Variants in SLC16A7 observed in about 807,000 individuals in gnomAD.
SLC16A7 encodes the protein monocarboxylate transporter 2.
A neutral mutation model predicts 34.9 loss-of-function variants in SLC16A7; 33 were observed. The ratio of observed to expected loss-of-function variants is 0.94; its 90% confidence interval spans 0.72 to 1.26. The LOEUF is 1.26. Among genes scored for constraint, SLC16A7 ranks in the 50% most tolerant of loss-of-function variants. SLC16A7 has a pLI of 0.00. For missense variants in SLC16A7, 573 were observed against 578.1 expected, an observed-to-expected ratio of 0.99 and a Z score of 0.09; for synonymous variants, 201 against 206.6, an observed-to-expected ratio of 0.97 and a Z score of 0.23.
At chr12:59,665,498 A>G (rs1237405290) in intron 2 of SLC16A7, among the ~76,000 whole-genome samples, 2 of 152,016 alleles carry the variant, frequency 1.3e-5, no homozygotes, top group East Asian at 3.8e-4. Context: ...ATTTCATCCA[A>G]AACATTTAGG....
At position 59,704,098 on chromosome 12, in the gene SLC16A7, T is replaced by G. The variant is rs144806398; in HGVS notation, c.-30-674T>G. Among the ~76,000 whole-genome samples the G allele has an allele frequency of 1.4e-3, 209 of 144,980 alleles. 2 individuals are homozygous for G. The highest frequency in any genetic ancestry group is 7.2e-3 in the Middle Eastern group (2 of 278). Reference sequence around the variant, plus strand: ...CTGCCTGTAATCCCAGTTACTAGGGTCTGAGGCAGGAGGATCGCTTGAACC... The same window carrying G: ...CTGCCTGTAATCCCAGTTACTAGGGGCTGAGGCAGGAGGATCGCTTGAACC... On this transcript the variant is annotated intron_variant, in intron 2 of 5. Transcript: ENST00000547379.
chr12:59,779,768 T>G lies in SLC16A7; in HGVS notation c.*89T>G. On this transcript the variant is annotated 3_prime_UTR_variant, in exon 6 of 6. Transcript: ENST00000547379. ...TTTTTTAAAGTATTAGAAAAGGTTT[T>G]AGCTGAAATGAGGAGTCACAATTAA... is the stretch of plus-strand genomic sequence containing the variant. 1.8e-6 allele frequency: 2 copies of G among 1,082,592 alleles called. No homozygotes were observed. Among genetic ancestry groups the G allele is most frequent in the Non-Finnish European group, 2.6e-6 (2 of 761,866 alleles). 67.1% of individuals were successfully genotyped at this position (1,082,592 alleles called of 1,614,324 possible). A position where few individuals can be genotyped will look rare whatever the true frequency, so the allele number is the denominator to read the frequency against.
intron 3 of SLC16A7, chr12:59,734,126 A>C: frequency 4.5e-6 from 1 of 220,112 alleles, no homozygotes; most frequent in Non-Finnish European, 9.4e-6. Context: ...CCAAGGATCC[A>C]CCCCTTTCTG....
chr12:59,696,088 A>G (rs1208854594), intron 2 of SLC16A7, among the ~76,000 whole-genome samples: 1 of 151,946 alleles, frequency 6.6e-6, no homozygotes, highest in African/African-American at 2.4e-5. Context: ...GTAATTATTT[A>G]AGTGACAGAT....
intron 3 of SLC16A7, among the ~76,000 whole-genome samples, chr12:59,764,351 C>G (rs1404982597): frequency 6.6e-6 from 1 of 152,130 alleles, no homozygotes; most frequent in Non-Finnish European, 1.5e-5. Flanking sequence ...TATTATTATA[C>G]TTTAAGTTTT....
intron 2 of SLC16A7, among the ~76,000 whole-genome samples, chr12:59,662,957 G>A (rs1328378401): frequency 6.6e-6 from 1 of 152,050 alleles, no homozygotes; most frequent in Admixed American, 6.6e-5. Context: ...AAGAAAATAT[G>A]TGATTTATAA....
intron 3 of SLC16A7, among the ~76,000 whole-genome samples, chr12:59,729,036 T>G (rs1214205950): frequency 6.6e-6 from 1 of 152,192 alleles, no homozygotes; most frequent in Non-Finnish European, 1.5e-5. Context: ...CAAAATACCT[T>G]TTCACTTCAG....
chr12:59,666,303 G>A lies in SLC16A7; in HGVS notation c.-31+11053G>A, dbSNP rs371946976. ...ATCTAGATAAGGGCTGGCAGTTAAG[G>A]TATAGTTGTTTAGTGATATTTTCCC... On this transcript the variant is annotated intron_variant, in intron 2 of 5. Transcript: ENST00000547379. Among the ~76,000 whole-genome samples, 4 of 152,230 alleles carry A rather than the reference G, an allele frequency of 2.6e-5. No individual in the cohort carries two copies. In the East Asian group the frequency reaches 5.8e-4, roughly 22 times the overall value.
chr12:59,672,573 A>G (rs978635800), intron 2 of SLC16A7, among the ~76,000 whole-genome samples: 1 of 151,728 alleles, frequency 6.6e-6, no homozygotes, highest in South Asian at 2.1e-4. Flanking sequence ...GGCAATGGAG[A>G]TGCTTCTTCT....
chr12:59,742,184 G>A (rs1198459086), intron 3 of SLC16A7, among the ~76,000 whole-genome samples: 3 of 152,114 alleles, frequency 2.0e-5, no homozygotes, highest in African/African-American at 7.2e-5. Context: ...TGCATCTGAG[G>A]CTTTCTTCCC....
chr12:59,650,709 G>A (rs1188180409), intron 1 of SLC16A7, among the ~76,000 whole-genome samples: 1 of 152,090 alleles, frequency 6.6e-6, no homozygotes, highest in Admixed American at 6.6e-5. Context: ...TCCCTGCTGT[G>A]CTCAGGCGTG....
At chr12:59,684,624 G>A (rs569801475) in intron 2 of SLC16A7, among the ~76,000 whole-genome samples, 83 of 152,254 alleles carry the variant, frequency 5.5e-4, no homozygotes, top group African/African-American at 1.7e-3. Flanking sequence ...CCACGCTGCA[G>A]CAAAATCAGA....
At chr12:59,714,225 G>A (rs1286861516) in intron 3 of SLC16A7, among the ~76,000 whole-genome samples, 1 of 152,166 alleles carries the variant, frequency 6.6e-6, no homozygotes, top group Non-Finnish European at 1.5e-5. Context: ...GATGGAGAAA[G>A]TTGTGTTTGA....
chr12:59,687,112 A>G (rs990904905), intron 2 of SLC16A7, among the ~76,000 whole-genome samples: 12 of 152,008 alleles, frequency 7.9e-5, no homozygotes, highest in Non-Finnish European at 1.8e-4. Context: ...AAAAAATGCT[A>G]AAGTCATACT....
At chr12:59,606,691 A>G (rs1158733110) in intron 1 of SLC16A7, among the ~76,000 whole-genome samples, 1 of 152,182 alleles carries the variant, frequency 6.6e-6, no homozygotes, top group Non-Finnish European at 1.5e-5. Flanking sequence ...CATACCTTAA[A>G]TCAATTCAAA....
chr12:59,766,679 G>C (rs527803148), intron 3 of SLC16A7, among the ~76,000 whole-genome samples: 16 of 152,280 alleles, frequency 1.1e-4, no homozygotes, highest in African/African-American at 3.9e-4. Flanking sequence ...CAGGCATGAA[G>C]CCCACTTGAT....
chr12:59,655,869 T>G lies in SLC16A7; in HGVS notation c.-31+619T>G, dbSNP rs750666162. On this transcript the variant is annotated intron_variant, in intron 2 of 5. Coordinates refer to ENST00000547379, the MANE Select transcript of SLC16A7 (RefSeq NM_001270623.2). ...AAAACTGATGCTCAGCATTGTGTCT[T>G]GCTGAAGACTGCATAACTTATAAGG... 7.6e-4 allele frequency among the ~76,000 whole-genome samples: 115 copies of G among 152,056 alleles called. 2 individuals are homozygous for G. The highest frequency in any genetic ancestry group is 1.1e-3 in the Admixed American group (16 of 15,228).
intron 2 of SLC16A7, among the ~76,000 whole-genome samples, chr12:59,673,873 G>A (rs1344517321): frequency 6.6e-6 from 1 of 152,082 alleles, no homozygotes; most frequent in Non-Finnish European, 1.5e-5. Flanking sequence ...TCTCTTGAGA[G>A]GAATTTTTGC....
At chr12:59,614,147 T>C (rs554685407) in intron 1 of SLC16A7, among the ~76,000 whole-genome samples, 2 of 150,572 alleles carry the variant, frequency 1.3e-5, no homozygotes, top group South Asian at 2.1e-4. Flanking sequence ...GCCTCCTGGG[T>C]TCAAGCTATT....
Sources: gnomAD v4.1 joint callset for allele counts (sites outside exome capture counted in the v4.1 genomes callset) on GRCh38, gnomAD v4.1.1 for gene constraint, MANE v1.5 for transcripts, NCBI Gene and HGNC (gene_info 2026-07-23, HGNC 2026-07-21) for gene names.